The following NSUN4 variants were observed in gnomAD, a reference collection of about 807,000 sequenced individuals.
NSUN4 encodes NOP2/Sun RNA methyltransferase 4.
Under a neutral mutation model 43.8 loss-of-function variants are expected in NSUN4, and 31 were observed. The observed-to-expected ratio is 0.71, with a 90% CI of 0.53 to 0.96. NSUN4 has a LOEUF of 0.96. NSUN4 is among the 40% of genes least tolerant of loss of function. The pLI, the probability that NSUN4 is intolerant of heterozygous loss-of-function variation, is 0.00. For missense variants in NSUN4, 439 were observed against 475.6 expected (o/e 0.92, Z 0.72); for synonymous variants, 167 against 184.1 (o/e 0.91, Z 0.75).
In NSUN4 at chr1:46,360,837, C is replaced by G. The variant is rs1285114689; in HGVS notation, c.878+9C>G. ...CAAGTGCAGCTTCTTGCGTGAGTGA[C>G]AGATTTTTAAACTCAGGACTTTGTG... On this transcript the variant is annotated intron_variant, in intron 5 of 5. Transcript: ENST00000474844. The G allele has an allele frequency of 1.2e-6, 2 of 1,613,320 alleles. No individual in the cohort carries two copies. The highest frequency in any genetic ancestry group is 2.7e-5 in the African/African-American group (2 of 75,030).
chr1:46,352,865 T>A lies in NSUN4; in HGVS notation c.593-3T>A. ...GGCCTCTGAAGTATCTTTATTTCCATAGGCAATCTTGCTGCCAATGATCTC... is the reference window on the plus strand; with the variant it reads ...GGCCTCTGAAGTATCTTTATTTCCAAAGGCAATCTTGCTGCCAATGATCTC... On this transcript the variant is annotated splice_region_variant and splice_polypyrimidine_tract_variant and intron_variant, in intron 3 of 5. Transcript: ENST00000474844. 2.5e-6 allele frequency: 4 copies of A among 1,613,904 alleles called. No homozygotes were observed. The highest frequency in any genetic ancestry group is 3.4e-6 in the Non-Finnish European group (4 of 1,179,818).
chr1:46,374,724 C>T, the NSUN4 span, among the ~76,000 whole-genome samples: 4 of 151,920 alleles, frequency 2.6e-5, no homozygotes, highest in Admixed American at 6.6e-5. Context: ...TTTTAAGAGC[C>T]GATGGGCTTG....
chr1:46,343,440 A>G (rs1662265204), intron 1 of NSUN4: 1 of 399,500 alleles, frequency 2.5e-6, no homozygotes, highest in Admixed American at 4.4e-5. Flanking sequence ...GATCCCCTAC[A>G]GCTGCCCTTT....
chr1:46,342,448 G>A, intron 1 of NSUN4: 1 of 399,070 alleles, frequency 2.5e-6, no homozygotes, highest in Non-Finnish European at 4.4e-6. Context: ...GGGAGTCCTT[G>A]CTATGCCATC....
chr1:46,348,638 G>A (rs1220441492), intron 3 of NSUN4, among the ~76,000 whole-genome samples: 1 of 144,734 alleles, frequency 6.9e-6, no homozygotes, highest in East Asian at 2.3e-4. Context: ...GAACCTGGGA[G>A]ATGGAGGTTG....
the NSUN4 span, among the ~76,000 whole-genome samples, chr1:46,380,184 C>T: frequency 1.3e-5 from 2 of 152,294 alleles, 1 homozygote; most frequent in Middle Eastern, 6.8e-3. Context: ...GACAGCCCTG[C>T]CCCCACCTCA....
chr1:46,363,785 A>G lies in NSUN4; in HGVS notation c.*1939A>G, dbSNP rs1040291536. The G allele has an allele frequency of 4.6e-5, 7 of 152,580 alleles. No homozygotes were observed. Among genetic ancestry groups the G allele is most frequent in the African/African-American group, 1.4e-4 (6 of 41,430 alleles). 9.5% of individuals were successfully genotyped at this position (152,580 alleles called of 1,614,324 possible). A position where few individuals can be genotyped will look rare whatever the true frequency, so the allele number is the denominator to read the frequency against. ...ACATTATACAATTGTCAAATGAACT[A>G]TAATGATACCTAACCATATGGATGA... On this transcript the variant is annotated 3_prime_UTR_variant, in exon 6 of 6. Coordinates refer to ENST00000474844, the MANE Select transcript of NSUN4 (RefSeq NM_199044.4).
the NSUN4 span, among the ~76,000 whole-genome samples, chr1:46,372,092 T>C: frequency 6.6e-6 from 1 of 151,830 alleles, no homozygotes. Flanking sequence ...TTTAGCAAAC[T>C]GGTTGCTGGG....
At chr1:46,373,481 G>A in the NSUN4 span, among the ~76,000 whole-genome samples, 1 of 152,076 alleles carries the variant, frequency 6.6e-6, no homozygotes. Context: ...AAGGTTAAGG[G>A]GTCCCACCTA....
chr1:46,345,535 A>G (rs1267827436), intron 2 of NSUN4, among the ~76,000 whole-genome samples: 1 of 143,768 alleles, frequency 7.0e-6, no homozygotes, highest in Admixed American at 6.8e-5. Context: ...GGGCCCTCTC[A>G]AGTTGAAATG....
intron 1 of NSUN4, chr1:46,341,740 C>T (rs532264520): frequency 3.2e-6 from 4 of 1,231,604 alleles, no homozygotes; most frequent in African/African-American, 1.5e-5. Flanking sequence ...CCCTGCCACT[C>T]GGGTTCCCCA....
chr1:46,353,752 C>T (rs541209283), intron 4 of NSUN4, among the ~76,000 whole-genome samples: 16 of 152,088 alleles, frequency 1.1e-4, no homozygotes, highest in Non-Finnish European at 1.5e-4. Flanking sequence ...GCTAGGATTA[C>T]AGGCGTGAGC....
intron 4 of NSUN4, among the ~76,000 whole-genome samples, chr1:46,360,227 T>A (rs1298400906): frequency 2.1e-4 from 2 of 9,530 alleles, no homozygotes; most frequent in African/African-American, 8.5e-4. Flanking sequence ...AGACTCCATC[T>A]CAAAAAAAAA....
At chr1:46,374,176 C>A in the NSUN4 span, among the ~76,000 whole-genome samples, 1 of 150,182 alleles carries the variant, frequency 6.7e-6, no homozygotes, top group East Asian at 1.9e-4. Context: ...ATCCCAGCTA[C>A]TCGGGAGGCT....
chr1:46,381,958 C>T, the NSUN4 span, among the ~76,000 whole-genome samples: 2 of 152,142 alleles, frequency 1.3e-5, no homozygotes, highest in Non-Finnish European at 2.9e-5. Context: ...AAGACAGAAA[C>T]GCGAGGATTT....
chr1:46,382,121 T>C, the NSUN4 span, among the ~76,000 whole-genome samples: 1 of 152,142 alleles, frequency 6.6e-6, no homozygotes, highest in East Asian at 1.9e-4. Flanking sequence ...TTGCTAACCA[T>C]CTTGCAAAGT....
At chr1:46,355,016 G>A (rs1438000219) in intron 4 of NSUN4, among the ~76,000 whole-genome samples, 1 of 152,178 alleles carries the variant, frequency 6.6e-6, no homozygotes, top group Non-Finnish European at 1.5e-5. Flanking sequence ...GATGGAGAGA[G>A]CATGACCTCT....
intron 1 of NSUN4, chr1:46,341,165 C>A: frequency 2.3e-6 from 3 of 1,287,180 alleles, no homozygotes; most frequent in Non-Finnish European, 3.0e-6. Flanking sequence ...ATCACCTTCG[C>A]CTTCATTCTT....
intron 2 of NSUN4, among the ~76,000 whole-genome samples, chr1:46,345,994 C>CA (rs1292390780): frequency 2.0e-5 from 3 of 150,554 alleles, no homozygotes; most frequent in African/African-American, 7.3e-5. Flanking sequence ...TACTAAAATA[C>CA]AAAAAAATTA....
Sources: allele counts gnomAD v4.1 joint callset (sites outside exome capture counted in the v4.1 genomes callset), GRCh38; gene constraint gnomAD v4.1.1; transcripts MANE v1.5; gene names NCBI Gene and HGNC (gene_info 2026-07-23, HGNC 2026-07-21).